Variants in FHIT observed in about 807,000 individuals in gnomAD.
FHIT encodes the protein fragile histidine triad diadenosine triphosphatase.
Under a neutral mutation model 17.9 loss-of-function variants are expected in FHIT, and 19 were observed. The ratio of observed to expected loss-of-function variants is 1.06; its 90% CI spans 0.74 to 1.56. FHIT has a LOEUF of 1.56. FHIT is among the 40% of genes most tolerant of loss of function. FHIT has a pLI of 0.00. For missense variants in FHIT, 248 were observed against 189.2 expected, an observed-to-expected ratio of 1.31 and a Z score of -1.82; for synonymous variants, 81 against 69.7, an observed-to-expected ratio of 1.16 and a Z score of -0.81.
intron 8 of FHIT, among the ~76,000 whole-genome samples, chr3:59,758,785 G>C (rs1487255473): frequency 6.6e-6 from 1 of 152,076 alleles, no homozygotes; most frequent in South Asian, 2.1e-4. Context: ...AAATGAAATG[G>C]TGTGAAAATA....
chr3:60,617,818 AAAGTAACTATGGTTTTTGGGC>A (rs1182155712), intron 4 of FHIT: 1 of 153,830 alleles, frequency 6.5e-6, no homozygotes, highest in Non-Finnish European at 1.4e-5. Flanking sequence ...GCTTGGTGCA[AAAGTAACTATGGTTTTTGGGC>A]AAAAACCATA....
intron 5 of FHIT, among the ~76,000 whole-genome samples, chr3:60,224,494 C>T (rs922947432): frequency 2.0e-5 from 3 of 151,992 alleles, no homozygotes; most frequent in Non-Finnish European, 4.4e-5. Context: ...CGAAATGTTC[C>T]CCTCACAAAG....
At chr3:60,136,949 T>C (rs1319484250) in intron 5 of FHIT, among the ~76,000 whole-genome samples, 1 of 152,212 alleles carries the variant, frequency 6.6e-6, no homozygotes, top group Admixed American at 6.5e-5. Context: ...AATATCTCCT[T>C]GGTTTAATAT....
At chr3:60,688,438 G>A (rs550187255) in intron 4 of FHIT, among the ~76,000 whole-genome samples, 1 of 136,944 alleles carries the variant, frequency 7.3e-6, no homozygotes, top group Admixed American at 7.3e-5. Context: ...TTTTTTTTTT[G>A]TTTTTTTTTT....
In FHIT at chr3:59,766,531, G is replaced by GAGAT. The variant is rs1301150232; in HGVS notation, c.349-14214_349-14211dup. Among the ~76,000 whole-genome samples, 6 of 152,186 alleles carry GAGAT rather than the reference G, an allele frequency of 3.9e-5. No homozygotes were observed. The South Asian group carries it at 1.2e-3, about 32-fold the overall frequency. ...TCTGCCTTAAGAGCTTTATGTCTGT[G>GAGAT]AGATAGTCATCCAAATGTTCTCCTC... On this transcript the variant is annotated intron_variant, in intron 8 of 9. Transcript: ENST00000492590.
chr3:60,763,730 T>G (rs1335338915), intron 4 of FHIT, among the ~76,000 whole-genome samples: 1 of 152,202 alleles, frequency 6.6e-6, no homozygotes, highest in African/African-American at 2.4e-5. Context: ...GGTATGCACA[T>G]TGCTCAGCAT....
At position 60,330,511 on chromosome 3, in the gene FHIT, C is replaced by T. The variant is rs41532848; in HGVS notation, c.103+206349G>A. Reference sequence around the variant, plus strand: ...CTGTTCACTGTGCATTTCACTTCTACGTCTGCACTTTCAGCATGGCCACGA... The same window carrying T: ...CTGTTCACTGTGCATTTCACTTCTATGTCTGCACTTTCAGCATGGCCACGA... On this transcript the variant is annotated intron_variant, in intron 5 of 9. Coordinates refer to ENST00000492590, the MANE Select transcript of FHIT (RefSeq NM_002012.4). Among the ~76,000 whole-genome samples the T allele has an allele frequency of 9.6e-3, 1,464 of 152,320 alleles. 20 individuals are homozygous for T. Among genetic ancestry groups the T allele is most frequent in the African/African-American group, 0.034 (1,393 of 41,580 alleles).
intron 1 of FHIT, among the ~76,000 whole-genome samples, chr3:61,214,184 CA>C (rs1280859666): frequency 2.6e-5 from 4 of 151,964 alleles, no homozygotes; most frequent in African/African-American, 7.3e-5. Flanking sequence ...AATAGAGACA[CA>C]AAAAACCCTT....
At chr3:60,317,152 T>A (rs1283870143) in intron 5 of FHIT, among the ~76,000 whole-genome samples, 1 of 151,996 alleles carries the variant, frequency 6.6e-6, no homozygotes, top group East Asian at 1.9e-4. Context: ...TTACTCAACA[T>A]TATATTTTTA....
chr3:60,555,683 T>G lies in FHIT; in HGVS notation c.-17-18704A>C, dbSNP rs146500484. ...CCCATCTCATTACCTCTTCACTCTATTTGTCACCATTTGGAATTTCAGAAC... is the reference window on the plus strand; with the variant it reads ...CCCATCTCATTACCTCTTCACTCTAGTTGTCACCATTTGGAATTTCAGAAC... On this transcript the variant is annotated intron_variant, in intron 4 of 9. Coordinates refer to ENST00000492590, the MANE Select transcript of FHIT (RefSeq NM_002012.4). 1.4e-3 allele frequency among the ~76,000 whole-genome samples: 219 copies of G among 152,208 alleles called. 1 individual carries two copies. Among genetic ancestry groups the G allele is most frequent in the African/African-American group, 5.0e-3 (209 of 41,484 alleles).
intron 8 of FHIT, among the ~76,000 whole-genome samples, chr3:59,904,078 C>A (rs1224869538): frequency 7.1e-6 from 1 of 140,994 alleles, no homozygotes; most frequent in African/African-American, 2.6e-5. Flanking sequence ...TTTTTTTCTC[C>A]CCCACACCCC....
At chr3:60,772,003 G>C (rs1489187364) in intron 4 of FHIT, among the ~76,000 whole-genome samples, 4 of 152,166 alleles carry the variant, frequency 2.6e-5, no homozygotes, top group African/African-American at 9.7e-5. Context: ...CACTGGCACT[G>C]CTGACAGGTT....
chr3:60,447,005 C>G (rs2031384556), intron 5 of FHIT, among the ~76,000 whole-genome samples: 1 of 151,952 alleles, frequency 6.6e-6, no homozygotes, highest in Non-Finnish European at 1.5e-5. Context: ...CTATGCTTGT[C>G]TCTTCAGCCT....
At chr3:60,817,223 A>G (rs1431192417) in intron 4 of FHIT, among the ~76,000 whole-genome samples, 4 of 152,012 alleles carry the variant, frequency 2.6e-5, no homozygotes, top group African/African-American at 9.7e-5. Context: ...TAAACACCAC[A>G]AGACAATGTT....
chr3:60,278,359 G>A (rs1007210691), intron 5 of FHIT, among the ~76,000 whole-genome samples: 1 of 152,170 alleles, frequency 6.6e-6, no homozygotes, highest in African/African-American at 2.4e-5. Flanking sequence ...TTGGGAGAAG[G>A]GCAATTAGTC....
chr3:59,906,497 A>G (rs1190631036), intron 8 of FHIT, among the ~76,000 whole-genome samples: 7 of 152,248 alleles, frequency 4.6e-5, no homozygotes, highest in African/African-American at 1.7e-4. Context: ...TAAAAATTAA[A>G]AACATTGAAA....
intron 4 of FHIT, among the ~76,000 whole-genome samples, chr3:60,611,602 C>T (rs2038787772): frequency 1.3e-5 from 2 of 152,248 alleles, no homozygotes; most frequent in South Asian, 2.1e-4. Context: ...GTGTTGTTTA[C>T]ATAGTATTTT....
intron 2 of FHIT, among the ~76,000 whole-genome samples, chr3:61,066,892 G>A (rs1461683436): frequency 6.6e-6 from 1 of 152,194 alleles, no homozygotes; most frequent in East Asian, 1.9e-4. Flanking sequence ...AACACCTGGG[G>A]TGCTATGTGA....
At chr3:60,124,445 G>C (rs903246736) in intron 5 of FHIT, among the ~76,000 whole-genome samples, 3 of 151,972 alleles carry the variant, frequency 2.0e-5, no homozygotes, top group Non-Finnish European at 2.9e-5. Flanking sequence ...TTCATCCTTG[G>C]ATACCTATTC....
Sources: allele counts gnomAD v4.1 joint callset (sites outside exome capture counted in the v4.1 genomes callset), GRCh38; gene constraint gnomAD v4.1.1; transcripts MANE v1.5; gene names NCBI Gene and HGNC (gene_info 2026-07-23, HGNC 2026-07-21).